The following SLC24A2 variants were observed in gnomAD, a reference collection of about 807,000 sequenced individuals.
The protein encoded by SLC24A2 is sodium/potassium/calcium exchanger 2.
In SLC24A2, 36 loss-of-function variants were observed where a neutral mutation model predicts 62.0. The observed-to-expected ratio is 0.58, with a 90% CI of 0.44 to 0.77. The LOEUF (loss-of-function observed/expected upper bound fraction) is 0.77, where lower values mean the gene tolerates loss of function less well. Ranked by LOEUF, SLC24A2 falls within the 30% of genes least tolerant of loss-of-function variation. SLC24A2 has a pLI of 0.00. For missense variants in SLC24A2, 846 were observed against 817.9 expected (o/e 1.03, Z -0.42); for synonymous variants, 358 against 294.0 (o/e 1.22, Z -2.23).
the SLC24A2 span, among the ~76,000 whole-genome samples, chr9:19,907,670 A>C: frequency 2.3e-3 from 344 of 152,340 alleles, 6 homozygotes; most frequent in East Asian, 0.06. Context: ...AAAAATCACA[A>C]GCATTCGTAT....
At chr9:19,780,680 T>C (rs1347830327) in intron 2 of SLC24A2, among the ~76,000 whole-genome samples, 3 of 151,458 alleles carry the variant, frequency 2.0e-5, no homozygotes, top group Non-Finnish European at 4.4e-5. Context: ...GGTCAGGAGA[T>C]TGACACCACG....
At chr9:19,626,524 C>G (rs1482191036) in intron 2 of SLC24A2, among the ~76,000 whole-genome samples, 1 of 152,150 alleles carries the variant, frequency 6.6e-6, no homozygotes, top group Admixed American at 6.6e-5. Flanking sequence ...AACATTCCAC[C>G]AAGTCCTGCA....
intron 2 of SLC24A2, among the ~76,000 whole-genome samples, chr9:19,663,438 A>T (rs1253052268): frequency 6.6e-6 from 1 of 152,148 alleles, no homozygotes; most frequent in East Asian, 1.9e-4. Flanking sequence ...TTTCTGTTGC[A>T]GTCCCCCCAC....
At chr9:19,909,782 T>C in the SLC24A2 span, among the ~76,000 whole-genome samples, 1 of 152,094 alleles carries the variant, frequency 6.6e-6, no homozygotes, top group African/African-American at 2.4e-5. Flanking sequence ...TCTGTTGATT[T>C]TCAATTGCTT....
chr9:19,530,581 T>C (rs1172414269), intron 8 of SLC24A2, among the ~76,000 whole-genome samples: 1 of 152,166 alleles, frequency 6.6e-6, no homozygotes, highest in Non-Finnish European at 1.5e-5. Flanking sequence ...ATATCATAAC[T>C]GAGCTACAGA....
chr9:19,569,919 C>G (rs1252282403), intron 7 of SLC24A2, among the ~76,000 whole-genome samples: 1 of 152,194 alleles, frequency 6.6e-6, no homozygotes, highest in Non-Finnish European at 1.5e-5. Context: ...GAACTTCAGT[C>G]TCAGTTCAAA....
At chr9:20,013,809 C>T in the SLC24A2 span, among the ~76,000 whole-genome samples, 1 of 151,962 alleles carries the variant, frequency 6.6e-6, no homozygotes, top group African/African-American at 2.4e-5. Flanking sequence ...TTCAAATGGC[C>T]AATAGGTAGA....
chr9:20,087,140 T>G, the SLC24A2 span, among the ~76,000 whole-genome samples: 1 of 152,228 alleles, frequency 6.6e-6, no homozygotes, highest in African/African-American at 2.4e-5. Context: ...CATGCTAGTC[T>G]GAGGATTGGA....
At chr9:19,605,107 T>A (rs769265178) in intron 4 of SLC24A2, among the ~76,000 whole-genome samples, 47 of 152,308 alleles carry the variant, frequency 3.1e-4, no homozygotes, top group Non-Finnish European at 5.1e-4. Context: ...CATCTTAGAT[T>A]AAATAGCAAA....
chr9:20,092,432 G>A, the SLC24A2 span, among the ~76,000 whole-genome samples: 2 of 151,034 alleles, frequency 1.3e-5, no homozygotes, highest in Non-Finnish European at 2.9e-5. Context: ...AACCTTATGG[G>A]ATTTATGCAT....
At chr9:19,989,008 A>G in the SLC24A2 span, among the ~76,000 whole-genome samples, 1 of 152,234 alleles carries the variant, frequency 6.6e-6, no homozygotes, top group Non-Finnish European at 1.5e-5. Flanking sequence ...CAGCAGAGAA[A>G]TAAAAGATGT....
the SLC24A2 span, among the ~76,000 whole-genome samples, chr9:20,029,836 A>C: frequency 6.6e-6 from 1 of 151,684 alleles, no homozygotes; most frequent in East Asian, 1.9e-4. Flanking sequence ...GTGTGTGTGT[A>C]TGTGTGTGTA....
intron 8 of SLC24A2, among the ~76,000 whole-genome samples, chr9:19,533,836 C>T (rs1312912507): frequency 1.3e-5 from 2 of 152,210 alleles, no homozygotes; most frequent in Non-Finnish European, 2.9e-5. Flanking sequence ...TAACAAAAAT[C>T]TTCTAACTAA....
intron 2 of SLC24A2, among the ~76,000 whole-genome samples, chr9:19,643,893 C>T (rs978013510): frequency 6.6e-6 from 1 of 152,194 alleles, no homozygotes; most frequent in African/African-American, 2.4e-5. Context: ...TACATCTTTG[C>T]TTCCTTCCTA....
chr9:20,259,035 T>A, the SLC24A2 span, among the ~76,000 whole-genome samples: 1 of 151,586 alleles, frequency 6.6e-6, no homozygotes, highest in Non-Finnish European at 1.5e-5. Context: ...AAGGAGAGAG[T>A]CAGAGGGAAA....
chr9:20,197,243 G>T, the SLC24A2 span, among the ~76,000 whole-genome samples: 1 of 151,988 alleles, frequency 6.6e-6, no homozygotes, highest in Non-Finnish European at 1.5e-5. Flanking sequence ...TATATAGAGA[G>T]GATTGCCAAA....
chr9:19,835,562 C>T, the SLC24A2 span, among the ~76,000 whole-genome samples: 1 of 152,202 alleles, frequency 6.6e-6, no homozygotes, highest in South Asian at 2.1e-4. Flanking sequence ...ACAGGAGCAC[C>T]CAGATTCATA....
intron 2 of SLC24A2, among the ~76,000 whole-genome samples, chr9:19,685,289 T>C (rs1375387553): frequency 6.6e-6 from 1 of 152,178 alleles, no homozygotes; most frequent in African/African-American, 2.4e-5. Context: ...AAACATTCCA[T>C]GCTCATTGAT....
the SLC24A2 span, among the ~76,000 whole-genome samples, chr9:20,019,296 A>G: frequency 2.0e-5 from 3 of 150,076 alleles, no homozygotes; most frequent in African/African-American, 7.5e-5. Flanking sequence ...AGAAAGAAAG[A>G]AAGAAAGAAA....
Sources: allele counts gnomAD v4.1 joint callset (sites outside exome capture counted in the v4.1 genomes callset), GRCh38; gene constraint gnomAD v4.1.1; transcripts MANE v1.5; gene names NCBI Gene and HGNC (gene_info 2026-07-23, HGNC 2026-07-21).